Variants in PEX5L observed in about 807,000 individuals in gnomAD.
PEX5L encodes peroxisomal biogenesis factor 5 like.
Under a neutral mutation model 84.0 loss-of-function variants are expected in PEX5L, and 30 were observed. The observed-to-expected ratio is 0.36, with a 90% CI of 0.27 to 0.48. The LOEUF is 0.48. Ranked by LOEUF, PEX5L falls within the 20% of genes least tolerant of loss-of-function variation. The probability of loss-of-function intolerance (pLI) is 0.99; values close to 1 mark genes in which losing one functional copy is unlikely to be tolerated. For missense variants in PEX5L, 533 were observed against 754.6 expected (o/e 0.71, Z 3.44); for synonymous variants, 270 against 283.1 (o/e 0.95, Z 0.46).
At chr3:179,819,818 T>G in intron 9 of PEX5L, 42 bp downstream of exon 9, 1 of 1,552,248 alleles carries the variant, frequency 6.4e-7, no homozygotes, top group Non-Finnish European at 8.9e-7. Context: ...TCCAAAAAGG[T>G]GGAGAAAAGT....
intron 1 of PEX5L, among the ~76,000 whole-genome samples, chr3:179,992,862 G>C (rs1219944506): frequency 6.6e-6 from 1 of 151,138 alleles, no homozygotes; most frequent in African/African-American, 2.4e-5. Flanking sequence ...CTGGTTCTTT[G>C]CATGTATGTA....
intron 2 of PEX5L, among the ~76,000 whole-genome samples, chr3:179,939,222 A>G (rs544719864): frequency 1.3e-5 from 2 of 152,344 alleles, no homozygotes; most frequent in Non-Finnish European, 2.9e-5. Flanking sequence ...TGAAGAAACC[A>G]GGAGTGATCA....
intron 8 of PEX5L, among the ~76,000 whole-genome samples, chr3:179,844,523 C>T (rs34782628): frequency 0.057 from 8,674 of 152,176 alleles, 321 homozygotes; most frequent in Non-Finnish European, 0.09. Flanking sequence ...GACAAGGAAG[C>T]GGTTAACTTC....
chr3:179,990,429 T>A (rs1480433115), intron 1 of PEX5L, among the ~76,000 whole-genome samples: 2 of 152,040 alleles, frequency 1.3e-5, no homozygotes, highest in African/African-American at 4.8e-5. Flanking sequence ...GATAGGGTCT[T>A]GCTCTGTTGC....
intron 2 of PEX5L, among the ~76,000 whole-genome samples, chr3:179,916,130 C>CAT (rs1260553171): frequency 2.0e-5 from 3 of 152,116 alleles, no homozygotes; most frequent in Admixed American, 1.3e-4. Flanking sequence ...ATACTTCATA[C>CAT]ATATATATTT....
chr3:179,966,208 T>C (rs1783293403), intron 2 of PEX5L, among the ~76,000 whole-genome samples: 1 of 152,178 alleles, frequency 6.6e-6, no homozygotes, highest in South Asian at 2.1e-4. Context: ...CCTTCGAATG[T>C]CTCAGAGTTT....
intron 1 of PEX5L, among the ~76,000 whole-genome samples, chr3:180,018,004 C>T (rs760413891): frequency 7.9e-5 from 12 of 152,132 alleles, no homozygotes; most frequent in Non-Finnish European, 1.3e-4. Flanking sequence ...TTAGCACCCA[C>T]AGTTTGGAAA....
At chr3:179,930,319 C>T (rs1200949015) in intron 2 of PEX5L, among the ~76,000 whole-genome samples, 1 of 152,170 alleles carries the variant, frequency 6.6e-6, no homozygotes, top group Non-Finnish European at 1.5e-5. Context: ...GCTTAAAGTT[C>T]AGCTTAATCC....
chr3:179,847,385 A>G (rs1739933105), intron 8 of PEX5L, among the ~76,000 whole-genome samples: 1 of 152,118 alleles, frequency 6.6e-6, no homozygotes, highest in South Asian at 2.1e-4. Context: ...TAAGGTACTG[A>G]TGACTGATCA....
chr3:179,919,365 GA>G (rs1406818899), intron 2 of PEX5L, among the ~76,000 whole-genome samples: 2 of 152,196 alleles, frequency 1.3e-5, no homozygotes, highest in Non-Finnish European at 2.9e-5. Context: ...GAGCTAAATA[GA>G]AATCACTTTT....
chr3:179,840,077 G>A (rs943957361), intron 8 of PEX5L, among the ~76,000 whole-genome samples: 1 of 151,934 alleles, frequency 6.6e-6, no homozygotes, highest in Non-Finnish European at 1.5e-5. Context: ...ATGACAGCAG[G>A]GGCCAGATCA....
chr3:180,007,411 T>C (rs1398677129), intron 1 of PEX5L, among the ~76,000 whole-genome samples: 1 of 152,230 alleles, frequency 6.6e-6, no homozygotes, highest in South Asian at 2.1e-4. Context: ...TGTCTGCGGC[T>C]TTTCCAGGCA....
chr3:179,943,323 A>G (rs572345256), intron 2 of PEX5L, among the ~76,000 whole-genome samples: 1 of 152,346 alleles, frequency 6.6e-6, no homozygotes, highest in Admixed American at 6.5e-5. Flanking sequence ...AGAGATTCTT[A>G]TTCCTTGTAT....
chr3:179,856,527 A>C (rs1315492040), intron 8 of PEX5L, among the ~76,000 whole-genome samples: 1 of 152,234 alleles, frequency 6.6e-6, no homozygotes, highest in Non-Finnish European at 1.5e-5. Context: ...GATGAGCATA[A>C]ATATTTCCAA....
At position 179,979,249 on chromosome 3, in the gene PEX5L, TA is replaced by T. The variant is rs201687554; in HGVS notation, c.22-7585del. On this transcript the variant is annotated intron_variant, in intron 1 of 14. Transcript: ENST00000467460. ...CACCCTCAAAACCAAATTCAAATTT[TA>T]AAAAAAAAACAAAGATAATGTTCTT... 9.5e-4 allele frequency among the ~76,000 whole-genome samples: 119 copies of T among 124,814 alleles called. 1 individual carries two copies. The East Asian group carries it at 0.025, about 26-fold the overall frequency. 81.9% of individuals were successfully genotyped at this position (124,814 alleles called of 152,430 possible).
chr3:179,879,399 T>A (rs1753477907), intron 5 of PEX5L, among the ~76,000 whole-genome samples: 1 of 152,236 alleles, frequency 6.6e-6, no homozygotes, highest in Admixed American at 6.5e-5. Context: ...ACTTGGTTCC[T>A]CAGATGTTTC....
intron 1 of PEX5L, among the ~76,000 whole-genome samples, chr3:180,009,788 T>A (rs9879437): frequency 0.023 from 3,439 of 152,212 alleles, 152 homozygotes; most frequent in African/African-American, 0.078. Flanking sequence ...ATCACCAGGA[T>A]GTAACTTCAA....
intron 2 of PEX5L, among the ~76,000 whole-genome samples, chr3:179,938,691 G>C (rs1197698631): frequency 6.6e-6 from 1 of 152,238 alleles, no homozygotes; most frequent in Non-Finnish European, 1.5e-5. Flanking sequence ...GCCTCAAGGA[G>C]AGGATGTGAA....
intron 2 of PEX5L, among the ~76,000 whole-genome samples, chr3:179,926,756 T>C (rs1340976556): frequency 6.6e-6 from 1 of 152,208 alleles, no homozygotes; most frequent in Non-Finnish European, 1.5e-5. Context: ...GCCTGTCACA[T>C]GGTAGGTGTT....
Sources: allele counts gnomAD v4.1 joint callset (sites outside exome capture counted in the v4.1 genomes callset), GRCh38; gene constraint gnomAD v4.1.1; transcripts MANE v1.5; gene names NCBI Gene and HGNC (gene_info 2026-07-23, HGNC 2026-07-21).